Variants in KTN1 observed in about 807,000 individuals in gnomAD.
The protein encoded by KTN1 is kinectin.
Under a neutral mutation model 222.5 loss-of-function variants are expected in KTN1, and 130 were observed. The observed-to-expected ratio is 0.58, with a 90% CI of 0.51 to 0.68. KTN1 has a LOEUF of 0.68. KTN1 is among the 30% of genes least tolerant of loss of function. The pLI, the probability that KTN1 is intolerant of heterozygous loss-of-function variation, is 0.00. For synonymous variants in KTN1, 512 were observed against 496.3 expected, an observed-to-expected ratio of 1.03 and a Z score of -0.42; for missense variants, 1,508 against 1,500.4, an observed-to-expected ratio of 1.01 and a Z score of -0.08.
chr14:55,659,312 T>G (rs1204636590), intron 30 of KTN1, among the ~76,000 whole-genome samples: 1 of 151,690 alleles, frequency 6.6e-6, no homozygotes, highest in Non-Finnish European at 1.5e-5. Flanking sequence ...TTTCTGTTTT[T>G]TTTTTTTTTT....
chr14:55,634,401 C>G lies in KTN1; in HGVS notation c.1329-125C>G, dbSNP rs1396514324. On this transcript the variant is annotated intron_variant, in intron 8 of 43. Transcript: ENST00000395314. ...TTTATTGTTAGTAGTCACTTGTGTT[C>G]TGTTTCAGTTGGGCTGTAAATGGAA... is the stretch of plus-strand genomic sequence containing the variant. The G allele has an allele frequency of 5.8e-6, 4 of 687,972 alleles. No homozygotes were observed. In the East Asian group the frequency reaches 1.2e-4, roughly 20 times the overall value. The allele number at this position is 687,972 out of a possible 1,614,324, so 42.6% of individuals were successfully genotyped here. A position where few individuals can be genotyped will look rare whatever the true frequency, so the allele number is the denominator to read the frequency against.
intron 1 of KTN1, among the ~76,000 whole-genome samples, chr14:55,602,491 A>G (rs1455610646): frequency 6.6e-6 from 1 of 152,238 alleles, no homozygotes; most frequent in African/African-American, 2.4e-5. Flanking sequence ...CCTGCATTCA[A>G]AAACTTCAGT....
In KTN1 at chr14:55,673,194, T is replaced by C. The variant is rs748745831; in HGVS notation, c.3710T>C (p.Leu1237Ser). 6.2e-7 allele frequency: 1 copy of C among 1,613,040 alleles called. No homozygotes were observed. The highest frequency in any genetic ancestry group is 2.2e-5 in the East Asian group (1 of 44,792). ...VRELKDLLTE[L>S]QKKLDDSYSE... The stretch of plus-strand genomic sequence containing the variant: ...CAGCTGAAAGATCTGTTGACTGAAT[T>C]GCAGAAAAAACTTGATGATTCATAT... Residue 1237 changes from leucine to serine, a missense_variant, in exon 40 of 44, where the codon TTG becomes TCG. Physicochemically the swap from Leu to Ser is moderately radical, Grantham distance 145. Transcript: ENST00000395314.
At chr14:55,619,389 A>G (rs2038825873) in intron 5 of KTN1, 77 bp downstream of exon 5, 1 of 1,340,538 alleles carries the variant, frequency 7.5e-7, no homozygotes, top group African/African-American at 1.5e-5. Context: ...TAGCCAGAGC[A>G]ATTAATATCT....
At position 55,633,356 on chromosome 14, in the gene KTN1, A is replaced by C. The variant is rs769426440; in HGVS notation, c.1328+15A>C. On this transcript the variant is annotated intron_variant, in intron 8 of 43. Transcript: ENST00000395314. ...CTGGAAAGCAAGTATGTTTCCAAAT[A>C]CCTTATTTTTTAATTGAATGGCAGA... 4 of 1,410,758 alleles carry C rather than the reference A, an allele frequency of 2.8e-6. No individual in the cohort carries two copies. Among genetic ancestry groups the C allele is most frequent in the East Asian group, 2.5e-5 (1 of 39,216 alleles). 87.4% of individuals were successfully genotyped at this position (1,410,758 alleles called of 1,614,324 possible). A position where few individuals can be genotyped will look rare whatever the true frequency, so the allele number is the denominator to read the frequency against.
At chr14:55,644,085 G>C (rs1049965972) in intron 18 of KTN1, among the ~76,000 whole-genome samples, 5 of 152,114 alleles carry the variant, frequency 3.3e-5, no homozygotes, top group Non-Finnish European at 5.9e-5. Context: ...AGTCTAGAAA[G>C]CATATGACTG....
chr14:55,644,184 GC>G (rs1409105819), intron 18 of KTN1: 2 of 405,004 alleles, frequency 4.9e-6, no homozygotes, highest in Admixed American at 8.0e-5. Flanking sequence ...TATTGTTGCT[GC>G]TAGTGAAAGA....
intron 12 of KTN1, among the ~76,000 whole-genome samples, chr14:55,638,567 T>C (rs1442383885): frequency 6.6e-5 from 10 of 150,762 alleles, no homozygotes; most frequent in Non-Finnish European, 1.0e-4. Context: ...TTTGACCATA[T>C]AAATATATTT....
At chr14:55,590,818 G>T (rs1381904305) in intron 1 of KTN1, among the ~76,000 whole-genome samples, 1 of 152,038 alleles carries the variant, frequency 6.6e-6, no homozygotes, top group Non-Finnish European at 1.5e-5. Flanking sequence ...TGGGATTACA[G>T]GCATGCACCA....
At chr14:55,652,503 A>G (rs1305657096) in intron 25 of KTN1, among the ~76,000 whole-genome samples, 1 of 144,592 alleles carries the variant, frequency 6.9e-6, no homozygotes, top group Non-Finnish European at 1.5e-5. Context: ...GGTTCAAGTG[A>G]TTGTCTTGCC....
intron 2 of KTN1, among the ~76,000 whole-genome samples, 156 bp from the exon 3 acceptor site, chr14:55,616,361 G>C (rs1273800630): frequency 6.6e-6 from 1 of 152,196 alleles, no homozygotes; most frequent in Admixed American, 6.5e-5. Context: ...TGGTGTAGTG[G>C]AGTAAGAAAG....
At chr14:55,656,354 T>G (rs1442099871) in intron 29 of KTN1, 1 of 403,144 alleles carries the variant, frequency 2.5e-6, no homozygotes, top group African/African-American at 2.1e-5. Flanking sequence ...CTATACTAAC[T>G]TGTATATTTT....
At position 55,679,976 on chromosome 14, in the gene KTN1, G is replaced by A. The variant is rs10148122; in HGVS notation, c.4069+291G>A. The A allele has an allele frequency of 1.5e-5, 5 of 325,110 alleles. No individual in the cohort carries two copies. The Admixed American group carries it at 2.1e-4, about 13-fold the overall frequency. The allele number at this position is 325,110 out of a possible 1,614,324, so 20.1% of individuals were successfully genotyped here. A position where few individuals can be genotyped will look rare whatever the true frequency, so the allele number is the denominator to read the frequency against. On this transcript the variant is annotated intron_variant, in intron 43 of 43. Coordinates refer to ENST00000395314, the MANE Select transcript of KTN1 (RefSeq NM_001079521.2). ...TGTGTGTTGCCTTAATACCTGCAAC[G>A]GCTTCGTTAATTTATTCTGTTCTTA...
intron 5 of KTN1, among the ~76,000 whole-genome samples, chr14:55,623,861 A>C (rs187855299): frequency 6.6e-6 from 1 of 152,320 alleles, no homozygotes; most frequent in Admixed American, 6.5e-5. Context: ...TAATTGCTTT[A>C]AGTGTCTCTC....
chr14:55,662,917 A>C (rs1044713188), intron 32 of KTN1: 1 of 456,060 alleles, frequency 2.2e-6, no homozygotes, highest in African/African-American at 2.0e-5. Context: ...GGGCATGGTA[A>C]TGCAGCAGCA....
intron 33 of KTN1, among the ~76,000 whole-genome samples, chr14:55,665,086 A>G (rs1439668426): frequency 6.6e-6 from 1 of 151,822 alleles, no homozygotes; most frequent in East Asian, 1.9e-4. Context: ...TCTAGCCATA[A>G]TTTTCAGTAA....
At chr14:55,679,413 C>T (rs574944095) in intron 42 of KTN1, 152 bp from the exon 43 acceptor site, 3 of 637,516 alleles carry the variant, frequency 4.7e-6, no homozygotes, top group East Asian at 2.9e-5. Context: ...CAGTATTTCT[C>T]TATGTGGTTT....
intron 1 of KTN1, among the ~76,000 whole-genome samples, chr14:55,603,414 C>T (rs931660738): frequency 6.6e-6 from 1 of 152,184 alleles, no homozygotes; most frequent in Non-Finnish European, 1.5e-5. Context: ...TTGCTAAATT[C>T]AGAAGTCAAT....
At chr14:55,598,290 C>A (rs1238060067) in intron 1 of KTN1, among the ~76,000 whole-genome samples, 3 of 151,988 alleles carry the variant, frequency 2.0e-5, no homozygotes, top group Admixed American at 2.0e-4. Context: ...AAAAAATTAG[C>A]CGGGCGTGTT....
Sources: allele counts gnomAD v4.1 joint callset (sites outside exome capture counted in the v4.1 genomes callset), GRCh38; gene constraint gnomAD v4.1.1; transcripts MANE v1.5; gene names NCBI Gene and HGNC (gene_info 2026-07-23, HGNC 2026-07-21).